Variants in ACTN2 observed in about 807,000 individuals in gnomAD.
ACTN2 encodes the protein alpha-actinin-2.
In ACTN2, 39 loss-of-function variants were observed where a neutral mutation model predicts 113.8. The ratio of observed to expected loss-of-function variants is 0.34; its 90% confidence interval spans 0.27 to 0.45. ACTN2 has a LOEUF of 0.45. Among genes scored for constraint, ACTN2 ranks in the 20% least tolerant of loss-of-function variants. The pLI is 1.00. For missense variants in ACTN2, 992 were observed against 1,177.9 expected, an observed-to-expected ratio of 0.84 and a Z score of 2.31; for synonymous variants, 429 against 444.1, an observed-to-expected ratio of 0.97 and a Z score of 0.43.
rs1659730777 is a variant in ACTN2 at position 236,762,329 on chromosome 1, T to C, written c.2527-132T>C. 1.1e-5 allele frequency: 14 copies of C among 1,229,296 alleles called. No individual in the cohort carries two copies. The Admixed American group carries it at 2.5e-4, about 22-fold the overall frequency. 76.1% of individuals were successfully genotyped at this position (1,229,296 alleles called of 1,614,324 possible). A position where few individuals can be genotyped will look rare whatever the true frequency, so the allele number is the denominator to read the frequency against. ...CTTTCTGTTGGTTGTCTGGTACTAC[T>C]ATGCCAATAGACTCCCTATTCTTTA... On this transcript the variant is annotated intron_variant, in intron 20 of 20. Coordinates refer to ENST00000366578, the MANE Select transcript of ACTN2 (RefSeq NM_001103.4).
chr1:236,761,204 G>A, intron 20 of ACTN2, 31 bp downstream of exon 20: 1 of 1,613,648 alleles, frequency 6.2e-7, no homozygotes, highest in Non-Finnish European at 8.5e-7. Context: ...TTCTGCTTTA[G>A]CAGGAGTCCA....
intron 1 of ACTN2, among the ~76,000 whole-genome samples, chr1:236,699,818 G>A (rs12059223): frequency 0.011 from 1,607 of 152,242 alleles, 24 homozygotes; most frequent in African/African-American, 0.036. Flanking sequence ...GAATCTCTCC[G>A]TATCCAGTAG....
In ACTN2 at chr1:236,721,015, GT is replaced by G. The variant is rs869155855; in HGVS notation, c.448+830del. 3.7e-4 allele frequency among the ~76,000 whole-genome samples: 18 copies of G among 49,138 alleles called. 4 individuals carry two copies. Among genetic ancestry groups the G allele is most frequent in the Non-Finnish European group, 5.4e-4 (16 of 29,432 alleles). 32.2% of individuals were successfully genotyped at this position (49,138 alleles called of 152,430 possible). On this transcript the variant is annotated intron_variant, in intron 4 of 20. Coordinates refer to ENST00000366578, the MANE Select transcript of ACTN2 (RefSeq NM_001103.4). Reference sequence around the variant, plus strand: ...ACAGTAGCCTCTGACTCTGGTTTTTGTTTTTTGTTTTTTTTTTTTTTTTTTT... The same window carrying G: ...ACAGTAGCCTCTGACTCTGGTTTTTGTTTTTGTTTTTTTTTTTTTTTTTTT...
intron 18 of ACTN2, 60 bp from the exon 19 acceptor site, chr1:236,759,664 A>T (rs898530789): frequency 1.4e-4 from 200 of 1,422,082 alleles, no homozygotes; most frequent in Non-Finnish European, 1.9e-4. Context: ...TCAGTTGGTC[A>T]AGTAGAGTTG....
intron 2 of ACTN2, 83 bp downstream of exon 2, chr1:236,718,055 C>T (rs1196531320): frequency 9.8e-6 from 11 of 1,119,092 alleles, no homozygotes; most frequent in East Asian, 7.6e-5. Context: ...ATCAGAAGTT[C>T]GCTTTGAACT....
At chr1:236,710,106 T>C (rs1274751049) in intron 1 of ACTN2, among the ~76,000 whole-genome samples, 2 of 152,240 alleles carry the variant, frequency 1.3e-5, no homozygotes, top group Non-Finnish European at 2.9e-5. Context: ...AGACTCATGA[T>C]TGATTTTTCG....
At chr1:236,744,864 A>C in intron 12 of ACTN2, 88 bp downstream of exon 12, 1 of 1,580,122 alleles carries the variant, frequency 6.3e-7, no homozygotes, top group Non-Finnish European at 8.6e-7. Context: ...TTCCTGACTA[A>C]ACGCAGAGGG....
intron 6 of ACTN2, among the ~76,000 whole-genome samples, chr1:236,728,450 G>C (rs1658623856): frequency 6.6e-6 from 1 of 152,132 alleles, no homozygotes; most frequent in East Asian, 1.9e-4. Context: ...GCCCATCCAA[G>C]CCTTTTTAAA....
At chr1:236,729,478 G>A (rs1044310638) in intron 6 of ACTN2, among the ~76,000 whole-genome samples, 5 of 152,166 alleles carry the variant, frequency 3.3e-5, no homozygotes, top group South Asian at 2.1e-4. Flanking sequence ...GTGTTTGGGC[G>A]TGGACTCCAG....
chr1:236,718,851 G>T (rs1245777211), intron 2 of ACTN2, 43 bp from the exon 3 acceptor site: 1 of 1,613,846 alleles, frequency 6.2e-7, no homozygotes, highest in Non-Finnish European at 8.5e-7. Flanking sequence ...GCATCAAGAG[G>T]TCACTGTCTC....
At chr1:236,689,314 TATATATATATATATATATATATATAC>T (rs1166352290) in intron 1 of ACTN2, among the ~76,000 whole-genome samples, 1 of 32,512 alleles carries the variant, frequency 3.1e-5, no homozygotes, top group Non-Finnish European at 7.8e-5. Context: ...TATATATATA[TATATATATATATATATATATATATAC>T]ACACACATAT....
chr1:236,693,045 G>A (rs1466076128), intron 1 of ACTN2, among the ~76,000 whole-genome samples: 1 of 152,118 alleles, frequency 6.6e-6, no homozygotes, highest in Non-Finnish European at 1.5e-5. Flanking sequence ...AGAACAGAAA[G>A]CAGAGATTGG....
intron 6 of ACTN2, among the ~76,000 whole-genome samples, chr1:236,728,107 A>G (rs60966974): frequency 0.011 from 1,665 of 146,602 alleles, 30 homozygotes; most frequent in African/African-American, 0.038. Context: ...TGAAACCTCT[A>G]TTTTTGCGGG....
Position 236,758,303 on chromosome 1 carries a change from A to ATTTTTTTTTTTTTT in ACTN2, c.2301+672_2301+673insTTTTTTTTTTTTTT, listed in dbSNP as rs1349813845. 2.2e-5 allele frequency among the ~76,000 whole-genome samples: 3 copies of ATTTTTTTTTTTTTT among 135,912 alleles called. 1 individual carries two copies. Among genetic ancestry groups the ATTTTTTTTTTTTTT allele is most frequent in the African/African-American group, 6.4e-5 (2 of 31,130 alleles). The allele number at this position is 135,912 out of a possible 152,430, so 89.2% of individuals were successfully genotyped here. On this transcript the variant is annotated intron_variant, in intron 18 of 20. Coordinates refer to ENST00000366578, the MANE Select transcript of ACTN2 (RefSeq NM_001103.4). ...CCAATTCTTTTCTTTTTTTTTTTTA[A>ATTTTTTTTTTTTTT]TGAGACGGAGTCTCGCTCTGTCACC...
At position 236,735,708 on chromosome 1, in the gene ACTN2, G is replaced by A. The variant is rs201545916; in HGVS notation, c.771G>A (p.Ala257=). ...TCTCTTGCTTCTACCACGCTTTTGC[G>A]GGCGCGGAGCAGGTACTCAACACTT... The part of the protein sequence containing the change: ...TYVSCFYHAF[A]GAEQAETAAN... The change falls in exon 8 of 21, where the codon GCG becomes GCA. Residue 257 remains alanine (A), a synonymous_variant. Transcript: ENST00000366578. 19 of 1,613,982 alleles carry A rather than the reference G, an allele frequency of 1.2e-5. No homozygotes were observed. Among genetic ancestry groups the A allele is most frequent in the African/African-American group, 2.7e-5 (2 of 74,902 alleles).
intron 6 of ACTN2, among the ~76,000 whole-genome samples, chr1:236,730,600 C>A (rs1487726606): frequency 6.6e-6 from 1 of 151,780 alleles, no homozygotes; most frequent in Non-Finnish European, 1.5e-5. Context: ...AGTTATATAC[C>A]TCTGGTTAAG....
intron 1 of ACTN2, among the ~76,000 whole-genome samples, chr1:236,709,744 A>T (rs537253877): frequency 6.6e-6 from 1 of 152,292 alleles, no homozygotes; most frequent in South Asian, 2.1e-4. Context: ...TAAAAGCTAC[A>T]TGTTCTTCAG....
chr1:236,760,411 C>T (rs904631478), intron 19 of ACTN2, among the ~76,000 whole-genome samples: 1 of 152,206 alleles, frequency 6.6e-6, no homozygotes, highest in African/African-American at 2.4e-5. Flanking sequence ...GTGTATACTT[C>T]AGTGGCTTTT....
At chr1:236,727,129 C>T (rs183824706) in intron 5 of ACTN2, among the ~76,000 whole-genome samples, 1 of 152,146 alleles carries the variant, frequency 6.6e-6, no homozygotes, top group Admixed American at 6.5e-5. Context: ...AAACATCTGC[C>T]CTGCTAATTG....
Sources: gnomAD v4.1 joint callset for allele counts (sites outside exome capture counted in the v4.1 genomes callset) on GRCh38, gnomAD v4.1.1 for gene constraint, MANE v1.5 for transcripts, NCBI Gene and HGNC (gene_info 2026-07-23, HGNC 2026-07-21) for gene names.